Variants in CLIP1 observed in about 807,000 individuals in gnomAD.
The protein encoded by CLIP1 is CAP-Gly domain-containing linker protein 1.
In CLIP1, 66 loss-of-function variants were observed where a neutral mutation model predicts 161.6. The observed-to-expected ratio is 0.41, with a 90% CI of 0.33 to 0.50. The LOEUF is 0.50. CLIP1 is among the 20% of genes least tolerant of loss of function. CLIP1 has a pLI of 0.27. For synonymous variants in CLIP1, 598 were observed against 626.2 expected, an observed-to-expected ratio of 0.96 and a Z score of 0.67; for missense variants, 1,376 against 1,702.0, an observed-to-expected ratio of 0.81 and a Z score of 3.37.
At chr12:122,386,872 G>A (rs928648342) in intron 1 of CLIP1, among the ~76,000 whole-genome samples, 40 of 151,358 alleles carry the variant, frequency 2.6e-4, no homozygotes, top group African/African-American at 8.2e-4. Flanking sequence ...CAAAGCTGAC[G>A]GTAAGATCAT....
intron 20 of CLIP1, among the ~76,000 whole-genome samples, chr12:122,305,743 C>T (rs183960812): frequency 2.6e-5 from 4 of 152,090 alleles, no homozygotes; most frequent in Admixed American, 6.6e-5. Flanking sequence ...GTGGGCACAA[C>T]GTAATCAGCT....
intron 15 of CLIP1, among the ~76,000 whole-genome samples, chr12:122,329,901 TG>T (rs1213956195): frequency 6.6e-6 from 1 of 152,132 alleles, no homozygotes; most frequent in Non-Finnish European, 1.5e-5. Flanking sequence ...GAGGATCACC[TG>T]AGGTCAGGAG....
At position 122,347,477 on chromosome 12, in the gene CLIP1, C is replaced by T. The variant is rs143042266; in HGVS notation, c.1404G>A (p.Thr468=). 1.8e-5 allele frequency: 29 copies of T among 1,611,016 alleles called. No individual in the cohort carries two copies. The highest frequency in any genetic ancestry group is 6.7e-5 in the African/African-American group (5 of 74,880). The part of the protein sequence containing the change: ...KSQISEDPEN[T]QTKLEHARIK... The stretch of plus-strand genomic sequence containing the variant: ...TGCGGGCATGCTCCAGTTTGGTCTG[C>T]GTCTGTTAGTAAAAAGGAAGAGGAA... Residue 468 remains threonine (T), a splice_region_variant and synonymous_variant, in exon 10 of 26, where the codon ACG becomes ACA. Coordinates refer to ENST00000620786, the MANE Select transcript of CLIP1 (RefSeq NM_001247997.2).
intron 20 of CLIP1, among the ~76,000 whole-genome samples, chr12:122,293,337 G>A (rs988546094): frequency 1.3e-5 from 2 of 152,014 alleles, no homozygotes; most frequent in African/African-American, 4.8e-5. Flanking sequence ...TTCCCTAGTT[G>A]GCAAATAGAT....
At chr12:122,345,176 CTT>C (rs559964564) in intron 10 of CLIP1, among the ~76,000 whole-genome samples, 28 of 141,386 alleles carry the variant, frequency 2.0e-4, no homozygotes, top group Non-Finnish European at 2.0e-4. Flanking sequence ...CAAATTGCCA[CTT>C]TTTTTTTTTT....
chr12:122,355,283 C>G lies in CLIP1; in HGVS notation c.1035G>C (p.Arg345Ser). The G allele has an allele frequency of 1.2e-6, 2 of 1,614,108 alleles. No homozygotes were observed. Among genetic ancestry groups the G allele is most frequent in the Non-Finnish European group, 1.7e-6 (2 of 1,180,004 alleles). ...GGAGGGCAGTGGTACCGGAGATCTT[C>G]CTGGCGTAACGGGAGGAGGTTTCAG... ...LLTETSSRYA[R>S]KISGTTALQE... Residue 345 changes from arginine (R) to serine (S), a missense_variant, in exon 6 of 26, where the codon AGG becomes AGC. Physicochemically the swap from Arg to Ser is moderately radical, Grantham distance 110. This residue lies in a region of CLIP1 where 211 missense variants were observed against 295.1 expected (regional missense o/e 0.72). Coordinates refer to ENST00000620786, the MANE Select transcript of CLIP1 (RefSeq NM_001247997.2). The surrounding 1 kb of genome is among the most constrained non-coding windows in gnomAD (Gnocchi z 4.1).
intron 1 of CLIP1, among the ~76,000 whole-genome samples, chr12:122,406,929 CAAA>C (rs199764714): frequency 1.0e-5 from 1 of 95,886 alleles, no homozygotes. Flanking sequence ...CCTCCATCTG[CAAA>C]AAAAAAAAAA....
rs757002766 is a variant in CLIP1, at chr12:122,328,443, T to C, written c.2868-17A>G. On this transcript the variant is annotated splice_polypyrimidine_tract_variant and intron_variant, in intron 15 of 25. Transcript: ENST00000620786. Reference sequence around the variant, plus strand: ...TCTACATCTCTAGAAAAAGTTTCAATATAAGGTGTCAGATTTTTCATAAGA... The same window carrying C: ...TCTACATCTCTAGAAAAAGTTTCAACATAAGGTGTCAGATTTTTCATAAGA... The C allele has an allele frequency of 1.3e-6, 2 of 1,500,352 alleles. No homozygotes were observed. Among genetic ancestry groups the C allele is most frequent in the South Asian group, 1.4e-5 (1 of 72,686 alleles). 92.9% of individuals were successfully genotyped at this position (1,500,352 alleles called of 1,614,324 possible).
chr12:122,283,058 A>G (rs1367951454), intron 21 of CLIP1, among the ~76,000 whole-genome samples: 3 of 152,208 alleles, frequency 2.0e-5, no homozygotes, highest in Non-Finnish European at 4.4e-5. Flanking sequence ...CACTGACAGG[A>G]TGAATTCTGA....
intron 1 of CLIP1, among the ~76,000 whole-genome samples, chr12:122,381,835 T>C (rs1288018911): frequency 6.6e-6 from 1 of 152,152 alleles, no homozygotes; most frequent in Admixed American, 6.5e-5. Flanking sequence ...GTGATCTTAT[T>C]TGGAAAAAGC....
intron 15 of CLIP1, among the ~76,000 whole-genome samples, chr12:122,330,665 TC>T (rs1951915061): frequency 7.0e-6 from 1 of 142,240 alleles, no homozygotes; most frequent in African/African-American, 2.6e-5. Flanking sequence ...AATGGTGCGA[TC>T]TGAGCTCACG....
rs1300397539 is a variant in CLIP1 at position 122,395,706 on chromosome 12, C to A, written c.-106-15148G>T. 13 of 152,182 alleles carry A rather than the reference C, an allele frequency of 8.5e-5. 1 individual carries two copies. The highest frequency in any genetic ancestry group is 8.5e-4 in the Admixed American group (13 of 15,282). The allele number at this position is 152,182 out of a possible 1,614,324, so 9.4% of individuals were successfully genotyped here. ...CAAGTCCACCTAAATAGCTGAACAC[C>A]AGTCATGTACGCATATCTGTATTAC... is the stretch of plus-strand genomic sequence containing the variant. On this transcript the variant is annotated intron_variant, in intron 1 of 25. Coordinates refer to ENST00000620786, the MANE Select transcript of CLIP1 (RefSeq NM_001247997.2).
chr12:122,320,845 A>C (rs543758632), intron 17 of CLIP1, among the ~76,000 whole-genome samples: 1 of 149,112 alleles, frequency 6.7e-6, no homozygotes, highest in Non-Finnish European at 1.5e-5. Context: ...GAGTAGCTGG[A>C]ACTACAGGCC....
chr12:122,384,205 G>A (rs1489627064), intron 1 of CLIP1, among the ~76,000 whole-genome samples: 1 of 152,150 alleles, frequency 6.6e-6, no homozygotes, highest in Non-Finnish European at 1.5e-5. Flanking sequence ...CAGGTATTGT[G>A]ATTCCAAAGT....
At chr12:122,419,429 C>A (rs1309868231) in intron 1 of CLIP1, among the ~76,000 whole-genome samples, 1 of 151,628 alleles carries the variant, frequency 6.6e-6, no homozygotes, top group Non-Finnish European at 1.5e-5. Flanking sequence ...TGGAACTCCA[C>A]AGAATTCTGC....
intron 19 of CLIP1, among the ~76,000 whole-genome samples, chr12:122,315,580 T>C (rs1951228858): frequency 6.6e-6 from 1 of 152,144 alleles, no homozygotes; most frequent in African/African-American, 2.4e-5. Flanking sequence ...TGTGTAAACC[T>C]TAATTTTACA....
intron 1 of CLIP1, among the ~76,000 whole-genome samples, chr12:122,387,778 G>A (rs984222217): frequency 1.1e-4 from 16 of 150,768 alleles, no homozygotes; most frequent in African/African-American, 2.9e-4. Flanking sequence ...GTAGAAGTGC[G>A]GTCTGCTATG....
intron 1 of CLIP1, among the ~76,000 whole-genome samples, chr12:122,419,618 C>G (rs949541887): frequency 2.0e-5 from 3 of 151,834 alleles, no homozygotes; most frequent in Admixed American, 2.0e-4. Context: ...CACTGGCTTT[C>G]GAATCCCAGC....
rs1593144986 is a variant in CLIP1 at position 122,355,386 on chromosome 12, G to A, written c.1006-74C>T. ...GCGAGGGAGGCGCGATGCATGCATG[G>A]CGGGCATCTGCTCGGCAAAGCAAGG... On this transcript the variant is annotated intron_variant, in intron 5 of 25. Transcript: ENST00000620786. This position sits in a 1 kb window ranked among gnomAD's most constrained non-coding sequence, Gnocchi z 4.1. The A allele has an allele frequency of 1.5e-6, 2 of 1,367,712 alleles. No homozygotes were observed. The highest frequency in any genetic ancestry group is 1.4e-5 in the African/African-American group (1 of 70,042). The allele number at this position is 1,367,712 out of a possible 1,614,324, so 84.7% of individuals were successfully genotyped here. A position where few individuals can be genotyped will look rare whatever the true frequency, so the allele number is the denominator to read the frequency against.
Sources: gnomAD v4.1 joint callset for allele counts (sites outside exome capture counted in the v4.1 genomes callset) on GRCh38, gnomAD v4.1.1 for gene constraint, gnomAD v4.1.1 regional missense constraint, Gnocchi (gnomAD v3.1) non-coding constraint, MANE v1.5 for transcripts, NCBI Gene and HGNC (gene_info 2026-07-23, HGNC 2026-07-21) for gene names.